FRMD5: variants seen among roughly 807,000 people sequenced by gnomAD.
FRMD5 encodes the protein FERM domain-containing protein 5.
In FRMD5, 20 loss-of-function variants were observed where a neutral mutation model predicts 69.0. The ratio of observed to expected loss-of-function variants is 0.29; its 90% confidence interval spans 0.20 to 0.42. The LOEUF is 0.42. Ranked by LOEUF, FRMD5 falls within the 10% of genes least tolerant of loss-of-function variation. FRMD5 has a pLI of 1.00. For missense variants in FRMD5, 595 were observed against 708.6 expected (o/e 0.84, Z 1.82); for synonymous variants, 271 against 260.1 (o/e 1.04, Z -0.40).
At chr15:43,989,250 C>G (rs1889548899) in intron 1 of FRMD5, 2 of 793,664 alleles carry the variant, frequency 2.5e-6, no homozygotes, top group African/African-American at 1.7e-5. Context: ...TCTTCTGCAT[C>G]CTATCGGCGA....
chr15:43,893,798 G>C (rs1478451589), intron 7 of FRMD5, among the ~76,000 whole-genome samples: 1 of 152,160 alleles, frequency 6.6e-6, no homozygotes, highest in African/African-American at 2.4e-5. Context: ...CAGCCTGATT[G>C]GTCGCAAGAA....
At chr15:43,973,735 A>T (rs1018599851) in intron 1 of FRMD5, among the ~76,000 whole-genome samples, 1 of 152,048 alleles carries the variant, frequency 6.6e-6, no homozygotes, top group Non-Finnish European at 1.5e-5. Context: ...GCATTATAAT[A>T]CAGCTATTAA....
chr15:43,999,923 G>A lies in FRMD5; in HGVS notation c.103-75614C>T, dbSNP rs1313424307. ...CCATTTTATATTTGTGTGTGTGTAT[G>A]TATATATATATATATATATATATGC... On this transcript the variant is annotated intron_variant, in intron 1 of 13. Coordinates refer to ENST00000417257, the MANE Select transcript of FRMD5 (RefSeq NM_032892.5). Among the ~76,000 whole-genome samples the A allele has an allele frequency of 1.3e-3, 78 of 58,242 alleles. 1 individual carries two copies. The highest frequency in any genetic ancestry group is 2.0e-3 in the Non-Finnish European group (63 of 32,062). 38.2% of individuals were successfully genotyped at this position (58,242 alleles called of 152,430 possible).
intron 1 of FRMD5, among the ~76,000 whole-genome samples, chr15:43,937,218 T>C (rs527342101): frequency 2.6e-5 from 4 of 152,342 alleles, no homozygotes; most frequent in East Asian, 1.9e-4. Context: ...CAAAATGGCA[T>C]AGGATCATTG....
intron 1 of FRMD5, among the ~76,000 whole-genome samples, chr15:44,151,064 C>G (rs551218422): frequency 1.3e-5 from 2 of 151,334 alleles, no homozygotes; most frequent in South Asian, 4.2e-4. Context: ...TGTACTCTTG[C>G]CTGGGCGAAA....
chr15:44,172,239 C>T (rs2077817334), intron 1 of FRMD5, among the ~76,000 whole-genome samples: 1 of 151,632 alleles, frequency 6.6e-6, no homozygotes, highest in Non-Finnish European at 1.5e-5. Flanking sequence ...CACAGGTGTG[C>T]ACCACCATAT....
intron 4 of FRMD5, among the ~76,000 whole-genome samples, chr15:43,911,187 A>T (rs2089281691): frequency 6.6e-6 from 1 of 152,202 alleles, no homozygotes; most frequent in Non-Finnish European, 1.5e-5. Flanking sequence ...CTGGTGATTT[A>T]AAAATATTTC....
chr15:44,103,820 G>A (rs578155997), intron 1 of FRMD5, among the ~76,000 whole-genome samples: 11 of 152,282 alleles, frequency 7.2e-5, no homozygotes, highest in African/African-American at 2.6e-4. Flanking sequence ...TATGACAGTG[G>A]TCCCATAAGA....
At chr15:44,013,857 C>CTT (rs3040909) in intron 1 of FRMD5, among the ~76,000 whole-genome samples, 111,203 of 131,486 alleles carry the variant, frequency 0.85, 48,454 homozygotes, top group Non-Finnish European at 0.93. Flanking sequence ...GAGACACCTT[C>CTT]TTTTTTTTTT....
chr15:44,013,948 CT>C (rs1890842155), intron 1 of FRMD5, among the ~76,000 whole-genome samples: 1 of 151,912 alleles, frequency 6.6e-6, no homozygotes, highest in South Asian at 2.1e-4. Context: ...GCTCCACCCC[CT>C]GGGTTCACAC....
chr15:44,064,055 C>T (rs532291010), intron 1 of FRMD5: 11 of 214,632 alleles, frequency 5.1e-5, no homozygotes, highest in East Asian at 2.8e-4. Context: ...CATGCCATCA[C>T]GGACACCCAG....
intron 1 of FRMD5, among the ~76,000 whole-genome samples, chr15:44,105,162 G>C (rs867734403): frequency 6.8e-6 from 1 of 148,012 alleles, no homozygotes; most frequent in African/African-American, 2.5e-5. Context: ...CTGCAGCCTC[G>C]ATGTCCCAGG....
chr15:43,917,019 A>G (rs945175322), intron 4 of FRMD5, among the ~76,000 whole-genome samples: 2 of 152,078 alleles, frequency 1.3e-5, no homozygotes, highest in Admixed American at 1.3e-4. Context: ...ACCTCAGATG[A>G]TCCACCCACC....
chr15:43,952,578 G>A (rs918883694), intron 1 of FRMD5, among the ~76,000 whole-genome samples: 3 of 152,204 alleles, frequency 2.0e-5, no homozygotes, highest in African/African-American at 7.2e-5. Context: ...GGGTGACCAA[G>A]GCTTCAGCAC....
At chr15:44,097,949 T>C (rs2076576947) in intron 1 of FRMD5, among the ~76,000 whole-genome samples, 2 of 152,014 alleles carry the variant, frequency 1.3e-5, no homozygotes, top group South Asian at 4.2e-4. Flanking sequence ...TTGAATGACA[T>C]GTTTACTGCA....
intron 1 of FRMD5, among the ~76,000 whole-genome samples, chr15:44,086,971 C>T (rs1019898844): frequency 2.0e-5 from 3 of 152,136 alleles, no homozygotes; most frequent in African/African-American, 7.2e-5. Flanking sequence ...ATAAGGGCAA[C>T]ACAGGACAAC....
intron 7 of FRMD5, among the ~76,000 whole-genome samples, chr15:43,893,592 C>T (rs919506727): frequency 4.6e-5 from 7 of 152,204 alleles, no homozygotes; most frequent in Admixed American, 2.0e-4. Flanking sequence ...TGACCAGAAA[C>T]TTATGCTGTG....
intron 1 of FRMD5, among the ~76,000 whole-genome samples, chr15:44,160,281 G>A (rs902825048): frequency 3.9e-5 from 6 of 152,176 alleles, no homozygotes; most frequent in Admixed American, 1.3e-4. Flanking sequence ...ACTTGAACCC[G>A]GGAAGCAGAG....
At chr15:44,092,994 C>A (rs897395891) in intron 1 of FRMD5, among the ~76,000 whole-genome samples, 1 of 127,834 alleles carries the variant, frequency 7.8e-6, no homozygotes, top group Non-Finnish European at 1.6e-5. Flanking sequence ...TGCAGTGGCA[C>A]AATCTCGGCT....
Sources: gnomAD v4.1 joint callset for allele counts (sites outside exome capture counted in the v4.1 genomes callset) on GRCh38, gnomAD v4.1.1 for gene constraint, MANE v1.5 for transcripts, NCBI Gene and HGNC (gene_info 2026-07-23, HGNC 2026-07-21) for gene names.